Variants in HMCN1 observed in about 807,000 individuals in gnomAD.
The protein encoded by HMCN1 is hemicentin 1, also known as hemicentin-1.
A neutral mutation model predicts 625.9 loss-of-function variants in HMCN1; 321 were observed. The ratio of observed to expected loss-of-function variants is 0.51; its 90% confidence interval spans 0.47 to 0.56. The LOEUF is 0.56. Among genes scored for constraint, HMCN1 ranks in the 20% least tolerant of loss-of-function variants. HMCN1 has a pLI of 0.00. For synonymous variants in HMCN1, 2,425 were observed against 2,417.6 expected (o/e 1.00, Z -0.09); for missense variants, 6,588 against 6,887.3 (o/e 0.96, Z 1.54).
chr1:186,038,066 T>C, intron 37 of HMCN1, 31 bp downstream of exon 37: 3 of 1,361,686 alleles, frequency 2.2e-6, no homozygotes, highest in Admixed American at 3.4e-5. Context: ...TGTAACTTAA[T>C]ATTTTAAGAT....
rs1334772603 is a variant in HMCN1 at position 186,003,780 on chromosome 1, G to C, written c.4411G>C (p.Val1471Leu). 6.2e-7 allele frequency: 1 copy of C among 1,612,796 alleles called. No individual in the cohort carries two copies. Among genetic ancestry groups the C allele is most frequent in the Non-Finnish European group, 8.5e-7 (1 of 1,179,092 alleles). ...AGTCTCAGTTGTCCTCAACCGTGACGTCGCCCTTGAATGCCAGGTCAAAGG... is the reference window on the plus strand; with the variant it reads ...AGTCTCAGTTGTCCTCAACCGTGACCTCGCCCTTGAATGCCAGGTCAAAGG... ...NEVSVVLNRDVALECQVKGTP... is the reference protein window; with the variant it reads ...NEVSVVLNRDLALECQVKGTP... Residue 1471 changes from valine to leucine, a missense_variant, in exon 29 of 107, where the codon GTC becomes CTC. Transcript: ENST00000271588.
chr1:185,912,163 A>G lies in HMCN1; in HGVS notation c.900+383A>G, dbSNP rs74134390. 7.6e-3 allele frequency among the ~76,000 whole-genome samples: 1,164 copies of G among 152,258 alleles called. 12 individuals are homozygous for G. Among genetic ancestry groups the G allele is most frequent in the African/African-American group, 0.025 (1,049 of 41,562 alleles). ...GTTTGAATCTTAACACCACGCCTTAACGGCTGCACTGCCTGGGGAGCAGAA... is the reference window on the plus strand; with the variant it reads ...GTTTGAATCTTAACACCACGCCTTAGCGGCTGCACTGCCTGGGGAGCAGAA... On this transcript the variant is annotated intron_variant, in intron 6 of 106. Transcript: ENST00000271588.
At chr1:185,771,491 T>G (rs938830949) in intron 1 of HMCN1, among the ~76,000 whole-genome samples, 1 of 152,338 alleles carries the variant, frequency 6.6e-6, no homozygotes, top group East Asian at 1.9e-4. Context: ...TTTTGATTAT[T>G]TGGTAGGTGT....
intron 1 of HMCN1, among the ~76,000 whole-genome samples, chr1:185,818,099 A>T (rs1258968315): frequency 6.6e-6 from 1 of 151,966 alleles, no homozygotes; most frequent in Admixed American, 6.6e-5. Flanking sequence ...CACCTTTATG[A>T]GGCAGGACAC....
chr1:186,058,849 C>T (rs1657509096), intron 46 of HMCN1, among the ~76,000 whole-genome samples: 1 of 151,798 alleles, frequency 6.6e-6, no homozygotes, highest in Non-Finnish European at 1.5e-5. Context: ...ACCTAAGTTC[C>T]CCCTGTTTCT....
At chr1:185,931,844 A>C (rs1667568658) in intron 10 of HMCN1, among the ~76,000 whole-genome samples, 1 of 152,174 alleles carries the variant, frequency 6.6e-6, no homozygotes, top group Non-Finnish European at 1.5e-5. Context: ...CTTTATGATA[A>C]AGTAATCATC....
chr1:185,781,660 G>A (rs1185243433), intron 1 of HMCN1, among the ~76,000 whole-genome samples: 1 of 152,206 alleles, frequency 6.6e-6, no homozygotes, highest in Non-Finnish European at 1.5e-5. Context: ...GAGCCATTTT[G>A]AGTGAGTTTC....
rs529068396 is a variant in HMCN1 at position 186,054,552 on chromosome 1, A to T, written c.6862+566A>T. Among the ~76,000 whole-genome samples the T allele has an allele frequency of 1.1e-4, 17 of 152,122 alleles. No individual in the cohort carries two copies. The South Asian group carries it at 3.5e-3, about 32-fold the overall frequency. ...GACACTGGCCTACTTTTCTTCCCACACACATATGTATTAGAATTGATCTAA... is the reference window on the plus strand; with the variant it reads ...GACACTGGCCTACTTTTCTTCCCACTCACATATGTATTAGAATTGATCTAA... On this transcript the variant is annotated intron_variant, in intron 44 of 106. Transcript: ENST00000271588.
At chr1:186,008,725 CTAGA>C (rs1245645735) in intron 30 of HMCN1, among the ~76,000 whole-genome samples, 1 of 152,034 alleles carries the variant, frequency 6.6e-6, no homozygotes, top group East Asian at 1.9e-4. Flanking sequence ...AGATCAAATG[CTAGA>C]TACTTTACGT....
At chr1:186,180,622 G>A (rs1018900600) in intron 104 of HMCN1, among the ~76,000 whole-genome samples, 2 of 152,052 alleles carry the variant, frequency 1.3e-5, no homozygotes, top group East Asian at 1.9e-4. Context: ...TCTGTCTTCC[G>A]TTTATGTTAA....
chr1:186,133,905 T>A (rs1051244901), intron 86 of HMCN1, among the ~76,000 whole-genome samples: 3 of 152,004 alleles, frequency 2.0e-5, no homozygotes, highest in Non-Finnish European at 4.4e-5. Flanking sequence ...CAAATTTCTT[T>A]ACTGCAGATT....
chr1:185,869,774 C>G (rs1427793841), intron 4 of HMCN1, among the ~76,000 whole-genome samples: 10 of 152,066 alleles, frequency 6.6e-5, no homozygotes. Flanking sequence ...ATTACGTAAA[C>G]ATTACGAACT....
Position 186,063,467 on chromosome 1 carries a change from AAGGAAGGAAGGAAGGAAGGAAGGAAG to A in HMCN1, c.7513+868_7513+893del, listed in dbSNP as rs1558188639. Among the ~76,000 whole-genome samples the A allele has an allele frequency of 6.0e-3, 776 of 129,742 alleles. 5 individuals carry two copies. Among genetic ancestry groups the A allele is most frequent in the Non-Finnish European group, 8.6e-3 (542 of 62,776 alleles). 85.1% of individuals were successfully genotyped at this position (129,742 alleles called of 152,430 possible). A position where few individuals can be genotyped will look rare whatever the true frequency, so the allele number is the denominator to read the frequency against. On this transcript the variant is annotated intron_variant, in intron 48 of 106. Coordinates refer to ENST00000271588, the MANE Select transcript of HMCN1 (RefSeq NM_031935.3). ...CGGAGAGAGAAGGAAGGAAGGAAGG[AAGGAAGGAAGGAAGGAAGGAAGGAAG>A]GAAGGAAGGAAGGAAGGAAGGGAGT...
At chr1:185,815,395 G>A (rs762685970) in intron 1 of HMCN1, among the ~76,000 whole-genome samples, 10 of 150,014 alleles carry the variant, frequency 6.7e-5, no homozygotes, top group Non-Finnish European at 1.3e-4. Context: ...TTCATTAATA[G>A]CATTGTAAGT....
At chr1:185,912,621 G>A (rs1029259001) in intron 6 of HMCN1, among the ~76,000 whole-genome samples, 3 of 151,882 alleles carry the variant, frequency 2.0e-5, no homozygotes, top group Non-Finnish European at 4.4e-5. Flanking sequence ...GCATTTCTGT[G>A]TCTTGGAGGT....
chr1:185,864,475 T>G lies in HMCN1; in HGVS notation c.345T>G (p.Gly115=). The G allele has an allele frequency of 6.2e-7, 1 of 1,613,904 alleles. No individual in the cohort carries two copies. ...YELRELYVQG[G]GDCPEMSIGA... ...TTTTTCTCTCCACTCAACAGGGTGG[T>G]GGTGATTGCCCAGAAATGAGTATTG... The change falls in exon 3 of 107, where the codon GGT becomes GGG. Residue 115 remains glycine, a synonymous_variant. Transcript: ENST00000271588.
At chr1:185,854,682 T>C (rs1571450998) in intron 2 of HMCN1, among the ~76,000 whole-genome samples, 1 of 152,332 alleles carries the variant, frequency 6.6e-6, no homozygotes, top group East Asian at 1.9e-4. Context: ...CTCTATCATA[T>C]ATGTAGTCAT....
At chr1:185,890,421 C>A (rs1275697577) in intron 4 of HMCN1, among the ~76,000 whole-genome samples, 3 of 146,782 alleles carry the variant, frequency 2.0e-5, no homozygotes, top group Admixed American at 6.6e-5. Flanking sequence ...AATTTTGGAT[C>A]TTTCCTGCTT....
chr1:186,119,095 T>C, intron 77 of HMCN1, 96 bp from the exon 78 acceptor site: 3 of 855,402 alleles, frequency 3.5e-6, no homozygotes, highest in African/African-American at 1.7e-5. Context: ...AGCACCACCA[T>C]GCTATTTGCA....
Sources: gnomAD v4.1 joint callset for allele counts (sites outside exome capture counted in the v4.1 genomes callset) on GRCh38, gnomAD v4.1.1 for gene constraint, MANE v1.5 for transcripts, NCBI Gene and HGNC (gene_info 2026-07-23, HGNC 2026-07-21) for gene names.